EXTL3: variants seen among roughly 807,000 people sequenced by gnomAD.
EXTL3 encodes exostosin like glycosyltransferase 3.
EXTL3 carries 27 observed loss-of-function variants against 69.3 expected under a neutral mutation model. The observed-to-expected ratio is 0.39, with a 90% CI of 0.29 to 0.54. EXTL3 has a LOEUF of 0.54. Ranked by LOEUF, EXTL3 falls within the 20% of genes least tolerant of loss-of-function variation. EXTL3 has a pLI of 0.69. For synonymous variants in EXTL3, 511 were observed against 499.4 expected (o/e 1.02, Z -0.31); for missense variants, 1,003 against 1,231.8 (o/e 0.81, Z 2.78).
chr8:28,684,918 C>T (rs1394064556), intron 1 of EXTL3, among the ~76,000 whole-genome samples: 1 of 80,258 alleles, frequency 1.2e-5, no homozygotes, highest in African/African-American at 4.7e-5. Flanking sequence ...TAAAGTTGCA[C>T]ATATCATGAT....
intron 1 of EXTL3, among the ~76,000 whole-genome samples, chr8:28,695,724 A>G (rs1333593477): frequency 1.3e-5 from 2 of 152,162 alleles, no homozygotes; most frequent in African/African-American, 4.8e-5. Context: ...GGCTGGGACC[A>G]GAGGGAAGGA....
Position 28,716,718 on chromosome 8 carries a change from C to A in EXTL3, c.659C>A (p.Ala220Glu). ...LDPLVKQAFQATARANVYVTE... is the reference protein window; with the variant it reads ...LDPLVKQAFQETARANVYVTE... ...CCCTTGGTCAAGCAGGCTTTTCAGG[C>A]GACAGCACGAGCTAACGTTTATGTT... Residue 220 changes from alanine (A) to glutamate (E), a missense_variant, in exon 3 of 7, where the codon GCG becomes GAG. Physicochemically the swap from Ala to Glu is moderately radical, Grantham distance 107. Around this residue, in one of 2 missense-constraint regions of EXTL3, gnomAD observed 742 missense variants for 815.4 expected, o/e 0.91. Coordinates refer to ENST00000220562, the MANE Select transcript of EXTL3 (RefSeq NM_001440.4). This position sits in a 1 kb window ranked among gnomAD's most constrained non-coding sequence, Gnocchi z 7.1. 1.2e-6 allele frequency: 2 copies of A among 1,614,198 alleles called. No homozygotes were observed. Among genetic ancestry groups the A allele is most frequent in the Non-Finnish European group, 1.7e-6 (2 of 1,180,038 alleles).
At position 28,717,621 on chromosome 8, in the gene EXTL3, C is replaced by G. The variant is rs752490010; in HGVS notation, c.1562C>G (p.Ser521Cys). 6.2e-7 allele frequency: 1 copy of G among 1,614,242 alleles called. No individual in the cohort carries two copies. Among genetic ancestry groups the G allele is most frequent in the Non-Finnish European group, 8.5e-7 (1 of 1,180,050 alleles). The change falls in exon 3 of 7, where the codon TCC becomes TGC. Residue 521 changes from serine (S) to cysteine (C), a missense_variant. Ser to Cys is a moderately radical substitution (Grantham distance 112). Around this residue, in one of 2 missense-constraint regions of EXTL3, gnomAD observed 742 missense variants for 815.4 expected, o/e 0.91. Coordinates refer to ENST00000220562, the MANE Select transcript of EXTL3 (RefSeq NM_001440.4). This position sits in a 1 kb window ranked among gnomAD's most constrained non-coding sequence, Gnocchi z 8.3. The stretch of plus-strand genomic sequence containing the variant: ...CGCTTTCTCTGGGAGACTTACTTCT[C>G]CACTGCTGACAGTATTTTTAATACC... ...QGRFLWETYF[S>C]TADSIFNTVL...
intron 6 of EXTL3, among the ~76,000 whole-genome samples, chr8:28,746,093 T>C (rs1801882785): frequency 6.6e-6 from 1 of 152,218 alleles, no homozygotes; most frequent in South Asian, 2.1e-4. Flanking sequence ...ATATGTACTA[T>C]TTTATGTTCA....
Position 28,704,335 on chromosome 8 carries a change from G to A in EXTL3, c.-570+2676G>A, listed in dbSNP as rs117226611. 5.3e-5 allele frequency among the ~76,000 whole-genome samples: 8 copies of A among 152,302 alleles called. No individual in the cohort carries two copies. In the East Asian group the frequency reaches 1.5e-3, roughly 29 times the overall value. On this transcript the variant is annotated intron_variant, in intron 1 of 6. Transcript: ENST00000220562. ...CATCATATACATAATATATAAGAATGCCTACTATACGCAGCCATACAAACG... is the reference window on the plus strand; with the variant it reads ...CATCATATACATAATATATAAGAATACCTACTATACGCAGCCATACAAACG...
chr8:28,693,555 G>A (rs1264389599), intron 1 of EXTL3, among the ~76,000 whole-genome samples: 1 of 152,150 alleles, frequency 6.6e-6, no homozygotes, highest in Admixed American at 6.5e-5. Flanking sequence ...ATGACATGAG[G>A]TAATGAGTTA....
chr8:28,633,565 C>T (rs943991728), intron 1 of EXTL3, among the ~76,000 whole-genome samples: 10 of 151,730 alleles, frequency 6.6e-5, no homozygotes, highest in Non-Finnish European at 1.3e-4. Flanking sequence ...ACCCAGGAGG[C>T]GGAGGTTTCA....
In EXTL3 at chr8:28,737,779, C is replaced by T. The variant is rs369264034; in HGVS notation, c.2421+116C>T. ...ACGCTTCTTACATGTTTCTTTTGTG[C>T]TAGAAGTCAGTTTTTTCTATTTTTA... On this transcript the variant is annotated intron_variant, in intron 5 of 6. Coordinates refer to ENST00000220562, the MANE Select transcript of EXTL3 (RefSeq NM_001440.4). 23 of 1,207,678 alleles carry T rather than the reference C, an allele frequency of 1.9e-5. 1 individual carries two copies. In the East Asian group the frequency reaches 3.7e-4, roughly 20 times the overall value. The allele number at this position is 1,207,678 out of a possible 1,614,324, so 74.8% of individuals were successfully genotyped here.
At chr8:28,610,215 A>ATGTGTGTGTGTGTGTG (rs367793242) in intron 2 of EXTL3, among the ~76,000 whole-genome samples, 1,649 of 149,414 alleles carry the variant, frequency 0.011, 24 homozygotes, top group African/African-American at 0.037. Flanking sequence ...AAATATGTAT[A>ATGTGTGTGTGTGTGTG]TGTGTGTGTG....
At chr8:28,747,733 T>TC (rs980771084) in intron 6 of EXTL3, among the ~76,000 whole-genome samples, 13 of 142,424 alleles carry the variant, frequency 9.1e-5, no homozygotes, top group African/African-American at 2.8e-4. Flanking sequence ...TTTTTCTTTT[T>TC]TTTTTTTTTT....
At chr8:28,652,024 A>AC (rs1231923046) in intron 1 of EXTL3, among the ~76,000 whole-genome samples, 4 of 108,698 alleles carry the variant, frequency 3.7e-5, no homozygotes, top group Admixed American at 8.5e-5. Context: ...ATAATATTCC[A>AC]TTGTGTGTGT....
chr8:28,716,792 A>G lies in EXTL3; in HGVS notation c.733A>G (p.Met245Val). The change falls in exon 3 of 7, where the codon ATG (methionine) becomes GTG (valine). Residue 245 changes from methionine (M) to valine (V), a missense_variant. Physicochemically the swap from Met to Val is conservative, Grantham distance 21. Coordinates refer to ENST00000220562, the MANE Select transcript of EXTL3 (RefSeq NM_001440.4). The surrounding 1 kb of genome is among the most constrained non-coding windows in gnomAD (Gnocchi z 7.1). Reference sequence around the variant, plus strand: ...CCTTTACGTGATACTAGTGGGAGAGATGCAGGAGCCGGTGGTGCTGCGGCC... The same window carrying G: ...CCTTTACGTGATACTAGTGGGAGAGGTGCAGGAGCCGGTGGTGCTGCGGCC... ...ACLYVILVGEMQEPVVLRPAE... is the reference protein window; with the variant it reads ...ACLYVILVGEVQEPVVLRPAE... 6.2e-7 allele frequency: 1 copy of G among 1,614,262 alleles called. No individual in the cohort carries two copies. Among genetic ancestry groups the G allele is most frequent in the South Asian group, 1.1e-5 (1 of 91,088 alleles).
intron 1 of EXTL3, chr8:28,710,501 G>A: frequency 2.2e-6 from 1 of 456,124 alleles, no homozygotes; most frequent in Non-Finnish European, 4.4e-6. Context: ...GAGAAATGAA[G>A]GTGTAAGTGG....
intron 1 of EXTL3, among the ~76,000 whole-genome samples, chr8:28,681,889 A>G (rs1807496067): frequency 6.6e-6 from 1 of 152,172 alleles, no homozygotes; most frequent in South Asian, 2.1e-4. Context: ...CCCTGTCTCT[A>G]CTAAAAATAC....
At chr8:28,663,879 C>G (rs911410730) in intron 1 of EXTL3, among the ~76,000 whole-genome samples, 7 of 152,202 alleles carry the variant, frequency 4.6e-5, no homozygotes, top group African/African-American at 1.7e-4. Context: ...TGGGGCAGGG[C>G]TGAGGAGGCT....
intron 1 of EXTL3, among the ~76,000 whole-genome samples, chr8:28,692,546 C>T (rs1384974320): frequency 6.6e-6 from 1 of 152,150 alleles, no homozygotes; most frequent in African/African-American, 2.4e-5. Context: ...ACTACTGTTT[C>T]TTTCCATACA....
intron 1 of EXTL3, among the ~76,000 whole-genome samples, chr8:28,703,558 G>C (rs1800856802): frequency 1.3e-5 from 2 of 152,140 alleles, no homozygotes; most frequent in African/African-American, 4.8e-5. Context: ...GGAGGGTTAT[G>C]GGTGATGAGG....
chr8:28,731,459 T>C, intron 4 of EXTL3, 109 bp downstream of exon 4: 1 of 1,156,250 alleles, frequency 8.6e-7, no homozygotes, highest in South Asian at 1.3e-5. Context: ...CCCTTGCAGA[T>C]AGTCAGGGCT....
intron 6 of EXTL3, among the ~76,000 whole-genome samples, chr8:28,747,731 T>TC (rs1801918655): frequency 7.1e-6 from 1 of 141,372 alleles, no homozygotes; most frequent in Admixed American, 7.0e-5. Flanking sequence ...TCTTTTTCTT[T>TC]TTTTTTTTTT....
Sources: allele counts gnomAD v4.1 joint callset (sites outside exome capture counted in the v4.1 genomes callset), GRCh38; gene constraint gnomAD v4.1.1; regional missense constraint gnomAD v4.1.1; non-coding constraint Gnocchi (gnomAD v3.1); transcripts MANE v1.5; gene names NCBI Gene and HGNC (gene_info 2026-07-23, HGNC 2026-07-21).